KCNB2: variants seen among roughly 807,000 people sequenced by gnomAD.
KCNB2 encodes the protein delayed rectifier potassium channel protein.
KCNB2 carries 15 observed loss-of-function variants against 61.5 expected under a neutral mutation model. The ratio of observed to expected loss-of-function variants is 0.24; its 90% CI spans 0.16 to 0.38. The LOEUF is 0.38. Ranked by LOEUF, KCNB2 falls within the 10% of genes least tolerant of loss-of-function variation. KCNB2 has a pLI of 1.00. For synonymous variants in KCNB2, 457 were observed against 446.0 expected (o/e 1.02, Z -0.31); for missense variants, 828 against 1,125.2 (o/e 0.74, Z 3.78).
rs532722262 is a variant in KCNB2 at position 72,600,499 on chromosome 8, C to T, written c.579+32186C>T. On this transcript the variant is annotated intron_variant, in intron 2 of 2. Transcript: ENST00000523207. ...AGGAGATATACCTAATGCTAAATGACGAGTTAATGGGTGCAGCACACTAAC... is the reference window on the plus strand; with the variant it reads ...AGGAGATATACCTAATGCTAAATGATGAGTTAATGGGTGCAGCACACTAAC... Among the ~76,000 whole-genome samples, 294 of 151,514 alleles carry T rather than the reference C, an allele frequency of 1.9e-3. 2 individuals are homozygous for T. Among genetic ancestry groups the T allele is most frequent in the Non-Finnish European group, 3.6e-3 (247 of 67,918 alleles).
At chr8:72,691,064 C>T (rs939922900) in intron 2 of KCNB2, among the ~76,000 whole-genome samples, 8 of 152,112 alleles carry the variant, frequency 5.3e-5, no homozygotes, top group African/African-American at 1.4e-4. Flanking sequence ...TGGGCTGGTT[C>T]GACTCCCCCA....
At chr8:72,905,611 A>G (rs1177818951) in intron 2 of KCNB2, among the ~76,000 whole-genome samples, 1 of 152,140 alleles carries the variant, frequency 6.6e-6, no homozygotes, top group East Asian at 1.9e-4. Flanking sequence ...TGCTGTGGGC[A>G]TTTGTTTCTG....
chr8:72,789,491 G>A (rs928537551), intron 2 of KCNB2, among the ~76,000 whole-genome samples: 1 of 152,120 alleles, frequency 6.6e-6, no homozygotes, highest in African/African-American at 2.4e-5. Flanking sequence ...GGCTGTTGAA[G>A]GATGAAGAGA....
intron 2 of KCNB2, among the ~76,000 whole-genome samples, chr8:72,845,754 T>C (rs2129002948): frequency 6.9e-6 from 1 of 145,110 alleles, no homozygotes; most frequent in East Asian, 2.0e-4. Context: ...GAAAATCACC[T>C]ACTCAAGCCT....
chr8:72,763,344 T>A (rs1808415281), intron 2 of KCNB2, among the ~76,000 whole-genome samples: 1 of 151,292 alleles, frequency 6.6e-6, no homozygotes, highest in Non-Finnish European at 1.5e-5. Flanking sequence ...TAACTCCCCC[T>A]CCTCCCCAAG....
At chr8:72,612,561 A>G (rs1232082030) in intron 2 of KCNB2, among the ~76,000 whole-genome samples, 2 of 152,200 alleles carry the variant, frequency 1.3e-5, no homozygotes, top group East Asian at 3.8e-4. Flanking sequence ...GGTACTTAGA[A>G]ACACTTGCCC....
chr8:72,714,119 G>T (rs911902006), intron 2 of KCNB2, among the ~76,000 whole-genome samples: 22 of 152,124 alleles, frequency 1.4e-4, no homozygotes, highest in African/African-American at 5.1e-4. Context: ...AAAAAAGAAT[G>T]AAAAGGAACA....
chr8:72,600,025 G>A (rs1160814930), intron 2 of KCNB2, among the ~76,000 whole-genome samples: 1 of 152,216 alleles, frequency 6.6e-6, no homozygotes, highest in Non-Finnish European at 1.5e-5. Flanking sequence ...CATTGTGGAA[G>A]TCAGTGTGGT....
chr8:72,561,783 A>G (rs1270858144), intron 1 of KCNB2, among the ~76,000 whole-genome samples: 3 of 70,774 alleles, frequency 4.2e-5, no homozygotes, highest in Admixed American at 1.6e-4. Context: ...ATATGGATAT[A>G]TATATACATA....
In KCNB2 at chr8:72,936,998, C is replaced by A; in HGVS notation, c.1643C>A (p.Thr548Asn). ...CTGGAGATGCTATACAATGAAATCA[C>A]CAAGACACAGCCTCATTCTCACCCA... ...QKLEMLYNEITKTQPHSHPNP... is the reference protein window; with the variant it reads ...QKLEMLYNEINKTQPHSHPNP... The change falls in exon 3 of 3, where the codon ACC becomes AAC. Residue 548 changes from threonine to asparagine, a missense_variant. Around this residue, in one of 4 missense-constraint regions of KCNB2, gnomAD observed 559 missense variants for 588.4 expected, o/e 0.95. Coordinates refer to ENST00000523207, the MANE Select transcript of KCNB2 (RefSeq NM_004770.3). The surrounding 1 kb of genome is among the most constrained non-coding windows in gnomAD (Gnocchi z 5.6). The A allele has an allele frequency of 6.2e-7, 1 of 1,614,162 alleles. No individual in the cohort carries two copies. The highest frequency in any genetic ancestry group is 8.5e-7 in the Non-Finnish European group (1 of 1,180,014).
chr8:72,762,849 A>G (rs1241265138), intron 2 of KCNB2, among the ~76,000 whole-genome samples: 1 of 149,840 alleles, frequency 6.7e-6, no homozygotes, highest in African/African-American at 2.5e-5. Context: ...TAAGGAAAAA[A>G]CAGAACAAAG....
At chr8:72,655,747 C>T (rs1806280914) in intron 2 of KCNB2, among the ~76,000 whole-genome samples, 1 of 152,082 alleles carries the variant, frequency 6.6e-6, no homozygotes, top group Non-Finnish European at 1.5e-5. Context: ...ATGATTAAGA[C>T]TGTGAATAGA....
chr8:72,663,267 G>C (rs1563552570), intron 2 of KCNB2, among the ~76,000 whole-genome samples: 1 of 152,190 alleles, frequency 6.6e-6, no homozygotes, highest in South Asian at 2.1e-4. Context: ...ATGGAAGACT[G>C]AAAGTGAGGA....
At chr8:72,668,702 C>G (rs903082919) in intron 2 of KCNB2, among the ~76,000 whole-genome samples, 2 of 152,102 alleles carry the variant, frequency 1.3e-5, no homozygotes, top group African/African-American at 4.8e-5. Flanking sequence ...TATTTTCCAT[C>G]ACAGAATCCT....
intron 2 of KCNB2, among the ~76,000 whole-genome samples, chr8:72,780,338 C>G (rs1808733365): frequency 6.6e-6 from 1 of 152,054 alleles, no homozygotes; most frequent in Admixed American, 6.6e-5. Flanking sequence ...TGCATTATTC[C>G]TCTTCTATTT....
In KCNB2 at chr8:72,567,863, C is replaced by A. The variant is rs866731557; in HGVS notation, c.129C>A (p.Gly43=). 2 of 1,613,980 alleles carry A rather than the reference C, an allele frequency of 1.2e-6. No homozygotes were observed. The highest frequency in any genetic ancestry group is 8.5e-7 in the Non-Finnish European group (1 of 1,179,988). The change falls in exon 2 of 3, where the codon GGC becomes GGA. Residue 43 remains glycine, a synonymous_variant. Transcript: ENST00000523207. ...GGAGAGTTAAGATCAATGTGGGGGG[C>A]CTCAACCACGAAGTCCTGTGGAGAA... ...CSRRVKINVG[G]LNHEVLWRTL...
intron 2 of KCNB2, among the ~76,000 whole-genome samples, chr8:72,732,743 A>G (rs1807768352): frequency 6.6e-6 from 1 of 152,210 alleles, no homozygotes. Context: ...AATATTAAGT[A>G]TAAGGCATTA....
At chr8:72,862,336 T>C (rs976650450) in intron 2 of KCNB2, among the ~76,000 whole-genome samples, 1 of 152,218 alleles carries the variant, frequency 6.6e-6, no homozygotes, top group Non-Finnish European at 1.5e-5. Context: ...TAAATACAGA[T>C]GTAAAGAGAA....
rs113037735 is a variant in KCNB2 at position 72,649,856 on chromosome 8, A to C, written c.579+81543A>C. The stretch of plus-strand genomic sequence containing the variant: ...AATAGAACCACCTGGAATGACTCCA[A>C]CAGGTGAAACCTTTAAATTGCAACC... On this transcript the variant is annotated intron_variant, in intron 2 of 2. Transcript: ENST00000523207. Among the ~76,000 whole-genome samples, 431 of 152,296 alleles carry C rather than the reference A, an allele frequency of 2.8e-3. 2 individuals carry two copies. The highest frequency in any genetic ancestry group is 0.01 in the African/African-American group (422 of 41,574).
Sources: allele counts gnomAD v4.1 joint callset (sites outside exome capture counted in the v4.1 genomes callset), GRCh38; gene constraint gnomAD v4.1.1; regional missense constraint gnomAD v4.1.1; non-coding constraint Gnocchi (gnomAD v3.1); transcripts MANE v1.5; gene names NCBI Gene and HGNC (gene_info 2026-07-23, HGNC 2026-07-21).